The following ABCC2 variants were observed in gnomAD, a reference collection of about 807,000 sequenced individuals.
The protein encoded by ABCC2 is ATP-binding cassette sub-family C member 2.
In ABCC2, 157 loss-of-function variants were observed where a neutral mutation model predicts 173.4. That is an observed-to-expected ratio of 0.91 (90% CI 0.80 to 1.03). The LOEUF is 1.03. Ranked by LOEUF, ABCC2 falls within the 50% of genes least tolerant of loss-of-function variation. ABCC2 has a pLI of 0.00. For missense variants in ABCC2, 1,822 were observed against 1,852.3 expected (o/e 0.98, Z 0.30); for synonymous variants, 657 against 693.5 (o/e 0.95, Z 0.83).
intron 23 of ABCC2, 94 bp from the exon 24 acceptor site, chr10:99,834,286 C>T: frequency 1.5e-6 from 2 of 1,311,042 alleles, no homozygotes; most frequent in Admixed American, 1.9e-5. Flanking sequence ...TGGGAACACA[C>T]AGAATCCAAC....
At chr10:99,835,097 G>A (rs367978685) in intron 24 of ABCC2, among the ~76,000 whole-genome samples, 146 of 152,334 alleles carry the variant, frequency 9.6e-4, no homozygotes, top group African/African-American at 3.3e-3. Flanking sequence ...AAACTGGAAC[G>A]AGTGGAAGGA....
intron 7 of ABCC2, 31 bp downstream of exon 7, chr10:99,797,362 C>T (rs771711220): frequency 2.2e-5 from 34 of 1,580,290 alleles, no homozygotes; most frequent in Admixed American, 5.4e-5. Context: ...TGTGTGAGCG[C>T]GCTGCATGTT....
Position 99,793,940 on chromosome 10 carries a change from G to C in ABCC2, c.517G>C (p.Gly173Arg). ...CTCCTGCCTGTTCTTCATCTCCTAC[G>C]GATTCCAGATCCTGATCCTGATCTT... ...AYSCLFFISY[G>R]FQILILIFSA... Residue 173 changes from glycine to arginine, a missense_variant, in exon 5 of 32, where the codon GGA (glycine) becomes CGA (arginine). Gly to Arg is a moderately radical substitution (Grantham distance 125). Coordinates refer to ENST00000647814, the MANE Select transcript of ABCC2 (RefSeq NM_000392.5). The C allele has an allele frequency of 6.2e-7, 1 of 1,613,696 alleles. No individual in the cohort carries two copies. Among genetic ancestry groups the C allele is most frequent in the Non-Finnish European group, 8.5e-7 (1 of 1,179,900 alleles).
chr10:99,809,332 G>A (rs1458201455), intron 13 of ABCC2, among the ~76,000 whole-genome samples: 3 of 152,172 alleles, frequency 2.0e-5, no homozygotes, highest in Admixed American at 6.5e-5. Flanking sequence ...CAGCCTGGGC[G>A]ACAGAGTGAG....
chr10:99,783,726 G>A (rs943179150), intron 1 of ABCC2, among the ~76,000 whole-genome samples: 3 of 152,146 alleles, frequency 2.0e-5, no homozygotes, highest in African/African-American at 7.2e-5. Flanking sequence ...AGCACCTCGT[G>A]TCTTAGAAAG....
chr10:99,814,494 CAT>C lies in ABCC2; in HGVS notation c.2094+1355_2094+1356del, dbSNP rs374870661. 3.5e-3 allele frequency among the ~76,000 whole-genome samples: 423 copies of C among 120,340 alleles called. 112 individuals carry two copies. Among genetic ancestry groups the C allele is most frequent in the African/African-American group, 0.01 (336 of 33,140 alleles). 78.9% of individuals were successfully genotyped at this position (120,340 alleles called of 152,430 possible). The stretch of plus-strand genomic sequence containing the variant: ...ATGTGTGTATATACATACACACAAA[CAT>C]ATATGTGTGTGTATGTGTATATATA... On this transcript the variant is annotated intron_variant, in intron 16 of 31. Coordinates refer to ENST00000647814, the MANE Select transcript of ABCC2 (RefSeq NM_000392.5).
intron 24 of ABCC2, 106 bp from the exon 25 acceptor site, chr10:99,835,985 G>A (rs748162775): frequency 1.2e-5 from 13 of 1,111,916 alleles, no homozygotes; most frequent in Non-Finnish European, 1.6e-5. Context: ...TCAGACGTAA[G>A]CTGTGCCCAT....
chr10:99,850,675 G>T lies in ABCC2; in HGVS notation c.4387G>T (p.Ala1463Ser). The T allele has an allele frequency of 6.2e-7, 1 of 1,614,230 alleles. No homozygotes were observed. Among genetic ancestry groups the T allele is most frequent in the Non-Finnish European group, 8.5e-7 (1 of 1,180,042 alleles). Residue 1463 changes from alanine (A) to serine (S), a missense_variant, in exon 31 of 32, where the codon GCC (alanine) becomes TCC (serine). Transcript: ENST00000647814. ...ATCCAAGATCCTGGTCCTGGATGAG[G>T]CCACTGCTGCGGTGGATCTAGAGAC... ...RKSKILVLDE[A>S]TAAVDLETDN...
At chr10:99,845,951 A>C (rs2133149996) in intron 29 of ABCC2, among the ~76,000 whole-genome samples, 169 bp downstream of exon 29, 1 of 152,272 alleles carries the variant, frequency 6.6e-6, no homozygotes, top group Middle Eastern at 3.4e-3. Context: ...CAGAACTTTG[A>C]AATGTTTGGT....
Position 99,842,064 on chromosome 10 carries a change from G to A in ABCC2, c.3712G>A (p.Val1238Ile). Reference sequence around the variant, plus strand: ...TAGAGATACCCTAAGTGGGGACACTGTTGGCTTTGTTCTGTCCAATGCACT... The same window carrying A: ...TAGAGATACCCTAAGTGGGGACACTATTGGCTTTGTTCTGTCCAATGCACT... The part of the protein sequence containing the change: ...IYRDTLSGDT[V>I]GFVLSNALNI... Residue 1238 changes from valine (V) to isoleucine (I), a missense_variant, in exon 26 of 32, where the codon GTT becomes ATT. Coordinates refer to ENST00000647814, the MANE Select transcript of ABCC2 (RefSeq NM_000392.5). 1 of 1,614,208 alleles carries A rather than the reference G, an allele frequency of 6.2e-7. No individual in the cohort carries two copies. The highest frequency in any genetic ancestry group is 1.1e-5 in the South Asian group (1 of 91,090).
Position 99,818,195 on chromosome 10 carries a change from C to T in ABCC2, c.2272-595C>T, listed in dbSNP as rs189308538. 3.9e-4 allele frequency among the ~76,000 whole-genome samples: 59 copies of T among 151,248 alleles called. No individual in the cohort carries two copies. In the East Asian group the frequency reaches 8.6e-3, roughly 22 times the overall value. On this transcript the variant is annotated intron_variant, in intron 17 of 31. Coordinates refer to ENST00000647814, the MANE Select transcript of ABCC2 (RefSeq NM_000392.5). Reference sequence around the variant, plus strand: ...CTGAGATTGCGCCACTGCACTCCAGCCTAGGAGATGGAGCAAGACTCCATC... The same window carrying T: ...CTGAGATTGCGCCACTGCACTCCAGTCTAGGAGATGGAGCAAGACTCCATC...
At chr10:99,844,963 G>C (rs768151548) in intron 28 of ABCC2, among the ~76,000 whole-genome samples, 5 of 152,154 alleles carry the variant, frequency 3.3e-5, no homozygotes, top group Non-Finnish European at 7.4e-5. Context: ...CTCTCAGCTG[G>C]TGGCAGACCT....
intron 6 of ABCC2, 69 bp from the exon 7 acceptor site, chr10:99,797,028 G>C: frequency 7.3e-7 from 1 of 1,361,750 alleles, no homozygotes. Flanking sequence ...GGTAGGTTCT[G>C]ATAGAAGTGG....
At chr10:99,847,535 G>A (rs2039035511) in intron 30 of ABCC2, among the ~76,000 whole-genome samples, 1 of 152,024 alleles carries the variant, frequency 6.6e-6, no homozygotes, top group African/African-American at 2.4e-5. Flanking sequence ...CCCAGGAGGT[G>A]GAGGTTGCAG....
intron 6 of ABCC2, among the ~76,000 whole-genome samples, chr10:99,795,738 GGAAAGAAAGAAA>G (rs1205497592): frequency 1.5e-3 from 43 of 28,728 alleles, no homozygotes; most frequent in African/African-American, 4.7e-3. Context: ...AAAGAAAGAA[GGAAAGAAAGAAA>G]GAAAGAAAGA....
intron 25 of ABCC2, among the ~76,000 whole-genome samples, chr10:99,840,930 A>G (rs1239313836): frequency 6.6e-6 from 1 of 151,902 alleles, no homozygotes; most frequent in Non-Finnish European, 1.5e-5. Flanking sequence ...AGGAAATCAG[A>G]AAACCTAGGG....
At chr10:99,839,176 CCGGG>C (rs1409924335) in intron 25 of ABCC2, among the ~76,000 whole-genome samples, 46 of 115,440 alleles carry the variant, frequency 4.0e-4, no homozygotes, top group Non-Finnish European at 5.6e-4. Context: ...GGGCGGCTGG[CCGGG>C]CGGGGGGCCA....
At chr10:99,846,602 C>T (rs945104065) in intron 29 of ABCC2, among the ~76,000 whole-genome samples, 5 of 152,132 alleles carry the variant, frequency 3.3e-5, no homozygotes, top group Non-Finnish European at 5.9e-5. Flanking sequence ...AGCCAGGCAT[C>T]GTGGTGCGTG....
At chr10:99,818,538 C>A (rs1425069685) in intron 17 of ABCC2, among the ~76,000 whole-genome samples, 1 of 152,224 alleles carries the variant, frequency 6.6e-6, no homozygotes. Context: ...TCTACATTGT[C>A]ACAGGGTGAC....
Sources: allele counts gnomAD v4.1 joint callset (sites outside exome capture counted in the v4.1 genomes callset), GRCh38; gene constraint gnomAD v4.1.1; transcripts MANE v1.5; gene names NCBI Gene and HGNC (gene_info 2026-07-23, HGNC 2026-07-21).